RBFOX3: variants seen among roughly 807,000 people sequenced by gnomAD.
The protein encoded by RBFOX3 is RNA binding protein fox-1 homolog 3.
Under a neutral mutation model 48.7 loss-of-function variants are expected in RBFOX3, and 17 were observed. The observed-to-expected ratio is 0.35, with a 90% CI of 0.24 to 0.52. RBFOX3 has a LOEUF of 0.52. Among genes scored for constraint, RBFOX3 ranks in the 20% least tolerant of loss-of-function variants. The probability of loss-of-function intolerance (pLI) is 0.94; values close to 1 mark genes in which losing one functional copy is unlikely to be tolerated. For synonymous variants in RBFOX3, 212 were observed against 209.5 expected, an observed-to-expected ratio of 1.01 and a Z score of -0.10; for missense variants, 382 against 497.5, an observed-to-expected ratio of 0.77 and a Z score of 2.21.
At chr17:79,150,035 T>TGGGGGTGGGGGTTGGGGGTGGGGGGG (rs2044034749) in intron 4 of RBFOX3, among the ~76,000 whole-genome samples, 3 of 7,916 alleles carry the variant, frequency 3.8e-4, no homozygotes, top group Non-Finnish European at 4.9e-4. Flanking sequence ...GGGTGGGGGG[T>TGGGGGTGGGGGTTGGGGGTGGGGGGG]GGGGGTGGGG....
intron 2 of RBFOX3, among the ~76,000 whole-genome samples, chr17:79,446,722 C>A (rs1555738580): frequency 6.6e-6 from 1 of 152,202 alleles, no homozygotes; most frequent in African/African-American, 2.4e-5. Flanking sequence ...TGACTGCAAA[C>A]CTGCCCTGAG....
chr17:79,563,889 T>C (rs2092352383), intron 1 of RBFOX3, among the ~76,000 whole-genome samples: 2 of 152,122 alleles, frequency 1.3e-5, no homozygotes, highest in Non-Finnish European at 2.9e-5. Context: ...CTCCCATGAG[T>C]CATAAAAGCA....
the RBFOX3 span, among the ~76,000 whole-genome samples, chr17:79,662,916 AC>A: frequency 1.2e-3 from 187 of 152,110 alleles, 3 homozygotes; most frequent in African/African-American, 4.2e-3. Flanking sequence ...CCCGCTCCAG[AC>A]CTCCAGACCC....
chr17:79,601,463 C>T (rs949878183), intron 1 of RBFOX3: 20 of 152,206 alleles, frequency 1.3e-4, no homozygotes, highest in African/African-American at 4.8e-4. Flanking sequence ...CTGCAGCAGA[C>T]TTAATATTTT....
rs1169375929 is a variant in RBFOX3 at position 79,249,510 on chromosome 17, C to T, written c.-73-13705G>A. ...GGGGTGTGCTTTTTCACCTGCAAACCGGCCAACCAGATCCCACACCCCAAG... is the reference window on the plus strand; with the variant it reads ...GGGGTGTGCTTTTTCACCTGCAAACTGGCCAACCAGATCCCACACCCCAAG... On this transcript the variant is annotated intron_variant, in intron 3 of 14. Coordinates refer to ENST00000693108, the MANE Select transcript of RBFOX3 (RefSeq NM_001350451.2). The surrounding 1 kb of genome is among the most constrained non-coding windows in gnomAD (Gnocchi z 4.1). Among the ~76,000 whole-genome samples the T allele has an allele frequency of 3.3e-5, 5 of 152,098 alleles. No homozygotes were observed. Among genetic ancestry groups the T allele is most frequent in the African/African-American group, 7.2e-5 (3 of 41,470 alleles).
At chr17:79,312,397 T>G (rs1352559452) in intron 2 of RBFOX3, among the ~76,000 whole-genome samples, 1 of 151,914 alleles carries the variant, frequency 6.6e-6, no homozygotes, top group Non-Finnish European at 1.5e-5. Context: ...AGGAAGGGGC[T>G]GTGGTCTGAG....
intron 4 of RBFOX3, among the ~76,000 whole-genome samples, chr17:79,148,503 C>T (rs774952210): frequency 5.9e-5 from 9 of 152,202 alleles, no homozygotes; most frequent in Non-Finnish European, 8.8e-5. Flanking sequence ...CCCACACCCC[C>T]CCAGACCATG....
intron 4 of RBFOX3, among the ~76,000 whole-genome samples, chr17:79,211,135 C>A (rs956876850): frequency 1.3e-5 from 2 of 152,236 alleles, no homozygotes; most frequent in African/African-American, 4.8e-5. Context: ...CCTTCTCCAG[C>A]GTCCGGCGGT....
At chr17:79,512,414 C>T (rs1313947163) in intron 1 of RBFOX3, among the ~76,000 whole-genome samples, 2 of 120,216 alleles carry the variant, frequency 1.7e-5, no homozygotes, top group Non-Finnish European at 3.5e-5. Context: ...AGCCAGGGGA[C>T]GCACACCTGG....
chr17:79,131,075 G>A (rs952074536), intron 4 of RBFOX3, among the ~76,000 whole-genome samples: 8 of 151,364 alleles, frequency 5.3e-5, no homozygotes, highest in Middle Eastern at 3.4e-3. Flanking sequence ...CATGTGCTGC[G>A]TGTCCCGTGT....
Position 79,195,913 on chromosome 17 carries a change from G to A in RBFOX3, c.-34+39853C>T, listed in dbSNP as rs1044842252. Reference sequence around the variant, plus strand: ...TCTCCGAGGTAGAAGGAGAGGCCTCGGAAATGCCATTCCAGTGAAACTGGG... The same window carrying A: ...TCTCCGAGGTAGAAGGAGAGGCCTCAGAAATGCCATTCCAGTGAAACTGGG... On this transcript the variant is annotated intron_variant, in intron 4 of 14. Transcript: ENST00000693108. The surrounding 1 kb of genome is among the most constrained non-coding windows in gnomAD (Gnocchi z 5.3). 1.3e-5 allele frequency among the ~76,000 whole-genome samples: 2 copies of A among 152,170 alleles called. No homozygotes were observed. Among genetic ancestry groups the A allele is most frequent in the Non-Finnish European group, 2.9e-5 (2 of 68,022 alleles).
intron 4 of RBFOX3, among the ~76,000 whole-genome samples, chr17:79,133,051 C>T (rs1198186242): frequency 6.6e-6 from 1 of 152,188 alleles, no homozygotes; most frequent in African/African-American, 2.4e-5. Context: ...GGGTGGGCCT[C>T]AAACCCCAGC....
chr17:79,430,573 G>A (rs1453412171), intron 2 of RBFOX3, among the ~76,000 whole-genome samples: 2 of 152,200 alleles, frequency 1.3e-5, no homozygotes, highest in Admixed American at 1.3e-4. Context: ...TTGAGACAGA[G>A]TCTCACTGTG....
intron 2 of RBFOX3, among the ~76,000 whole-genome samples, chr17:79,358,886 C>T (rs2085747136): frequency 6.6e-6 from 1 of 152,220 alleles, no homozygotes; most frequent in Non-Finnish European, 1.5e-5. Context: ...CTGCCAATTG[C>T]TCGAGAGCCA....
rs1280941664 is a variant in RBFOX3 at position 79,423,777 on chromosome 17, C to A, written c.-175+58677G>T. The A allele has an allele frequency of 6.5e-6, 1 of 153,756 alleles. No individual in the cohort carries two copies. The highest frequency in any genetic ancestry group is 1.5e-5 in the Non-Finnish European group (1 of 68,126). The allele number at this position is 153,756 out of a possible 1,614,324, so 9.5% of individuals were successfully genotyped here. On this transcript the variant is annotated intron_variant, in intron 2 of 14. Transcript: ENST00000693108. The surrounding 1 kb of genome is among the most constrained non-coding windows in gnomAD (Gnocchi z 4.9). ...GGGCAGGGCTGCCCATCAGCAAATC[C>A]CCTTGCAACTTCTCCATCGTCCACG...
At chr17:79,613,378 G>A (rs896872444), upstream of RBFOX3, among the ~76,000 whole-genome samples, 5 of 152,242 alleles carry the variant, frequency 3.3e-5, no homozygotes, top group Non-Finnish European at 5.9e-5. Flanking sequence ...TTTGCCCTTC[G>A]TGCTCAGCTG....
chr17:79,383,377 C>T (rs577049425), intron 2 of RBFOX3, among the ~76,000 whole-genome samples: 24 of 152,364 alleles, frequency 1.6e-4, no homozygotes, highest in East Asian at 5.8e-4. Context: ...ACCCCACGGC[C>T]GCGGCGGTGC....
intron 1 of RBFOX3, among the ~76,000 whole-genome samples, chr17:79,490,880 G>A (rs943762789): frequency 6.6e-6 from 1 of 151,058 alleles, no homozygotes; most frequent in South Asian, 2.1e-4. Flanking sequence ...CAGGTGCTAA[G>A]CAAACATGCT....
chr17:79,213,317 C>T (rs938731676), intron 4 of RBFOX3, among the ~76,000 whole-genome samples: 9 of 152,162 alleles, frequency 5.9e-5, no homozygotes, highest in Admixed American at 1.3e-4. Context: ...GGGAAGGACG[C>T]GGCGGGGGGG....
Sources: allele counts gnomAD v4.1 joint callset (sites outside exome capture counted in the v4.1 genomes callset), GRCh38; gene constraint gnomAD v4.1.1; non-coding constraint Gnocchi (gnomAD v3.1); transcripts MANE v1.5; gene names NCBI Gene and HGNC (gene_info 2026-07-23, HGNC 2026-07-21).